Variants in PON2 observed in about 807,000 individuals in gnomAD.
PON2 encodes serum paraoxonase/arylesterase 2.
Under a neutral mutation model 36.6 loss-of-function variants are expected in PON2, and 27 were observed. The ratio of observed to expected loss-of-function variants is 0.74; its 90% CI spans 0.54 to 1.02. The LOEUF (loss-of-function observed/expected upper bound fraction) is 1.02, where lower values mean the gene tolerates loss of function less well. Among genes scored for constraint, PON2 ranks in the 50% least tolerant of loss-of-function variants. The probability of loss-of-function intolerance (pLI) is 0.00; values close to 1 mark genes in which losing one functional copy is unlikely to be tolerated. For missense variants in PON2, 363 were observed against 421.1 expected (o/e 0.86, Z 1.21); for synonymous variants, 149 against 156.3 (o/e 0.95, Z 0.35).
chr7:95,434,784 A>G, intron 1 of PON2, 94 bp downstream of exon 1: 1 of 1,393,672 alleles, frequency 7.2e-7, no homozygotes, highest in Non-Finnish European at 9.7e-7. Context: ...CAGGTCCCGC[A>G]GGAATCCCTC....
At chr7:95,417,357 G>A (rs1415062403) in intron 2 of PON2, among the ~76,000 whole-genome samples, 1 of 152,126 alleles carries the variant, frequency 6.6e-6, no homozygotes, top group Admixed American at 6.5e-5. Context: ...CTGCTCCTCA[G>A]AAAGAAGATA....
intron 1 of PON2, among the ~76,000 whole-genome samples, chr7:95,429,506 T>A (rs1789391214): frequency 6.6e-6 from 1 of 152,156 alleles, no homozygotes; most frequent in South Asian, 2.1e-4. Flanking sequence ...CCAACAGTCA[T>A]TAGCATGAAA....
chr7:95,420,344 A>C (rs1404459678), intron 2 of PON2, among the ~76,000 whole-genome samples: 11 of 152,206 alleles, frequency 7.2e-5, no homozygotes, highest in African/African-American at 2.7e-4. Flanking sequence ...ACATTTAGAA[A>C]ATCAGATTTT....
rs374693996 is a variant in PON2 at position 95,405,281 on chromosome 7, A to T, written c.*49T>A. On this transcript the variant is annotated 3_prime_UTR_variant, in exon 9 of 9. Transcript: ENST00000222572. Reference sequence around the variant, plus strand: ...TAAATTCCCTCAGAATTAGCAATTCATAGAAAATTAATTGTTAAGTTATCG... The same window carrying T: ...TAAATTCCCTCAGAATTAGCAATTCTTAGAAAATTAATTGTTAAGTTATCG... 1.3e-6 allele frequency: 2 copies of T among 1,582,570 alleles called. No individual in the cohort carries two copies. The highest frequency in any genetic ancestry group is 1.7e-6 in the Non-Finnish European group (2 of 1,152,672).
intron 1 of PON2, among the ~76,000 whole-genome samples, chr7:95,429,700 T>G (rs1388348187): frequency 6.6e-6 from 1 of 152,240 alleles, no homozygotes; most frequent in Non-Finnish European, 1.5e-5. Flanking sequence ...CTTTGTGCCA[T>G]ACTTCTCTGC....
At chr7:95,410,540 C>G (rs2116460126) in intron 5 of PON2, among the ~76,000 whole-genome samples, 1 of 152,280 alleles carries the variant, frequency 6.6e-6, no homozygotes, top group South Asian at 2.1e-4. Context: ...TCTAATTTCC[C>G]TGGCTTAGTT....
chr7:95,430,375 A>C (rs897543077), intron 1 of PON2, among the ~76,000 whole-genome samples: 1 of 151,352 alleles, frequency 6.6e-6, no homozygotes, highest in Non-Finnish European at 1.5e-5. Context: ...GCAATGGCTC[A>C]CTGCAACCTC....
chr7:95,409,112 A>C (rs533478993), intron 6 of PON2, among the ~76,000 whole-genome samples: 1 of 152,316 alleles, frequency 6.6e-6, no homozygotes, highest in African/African-American at 2.4e-5. Context: ...TGGAGGTTCA[A>C]GACTAGCCTG....
chr7:95,406,085 A>G, intron 8 of PON2, 34 bp downstream of exon 8: 1 of 1,597,518 alleles, frequency 6.3e-7, no homozygotes, highest in Non-Finnish European at 8.6e-7. Flanking sequence ...AAGGACTTGA[A>G]TAATTAAGTT....
intron 2 of PON2, among the ~76,000 whole-genome samples, chr7:95,417,210 A>G (rs1789082305): frequency 1.3e-5 from 2 of 152,200 alleles, no homozygotes; most frequent in Admixed American, 1.3e-4. Flanking sequence ...GCATCTATCT[A>G]TCCAGCCATT....
intron 1 of PON2, among the ~76,000 whole-genome samples, chr7:95,426,176 T>C (rs747822424): frequency 2.0e-5 from 3 of 152,126 alleles, no homozygotes; most frequent in Non-Finnish European, 2.9e-5. Context: ...GCATCAGTTG[T>C]TCCCCAAACC....
chr7:95,406,538 CTCAA>C (rs1447899940), intron 7 of PON2, among the ~76,000 whole-genome samples: 2 of 152,158 alleles, frequency 1.3e-5, no homozygotes, highest in Non-Finnish European at 1.5e-5. Context: ...GCTCAAGGAA[CTCAA>C]TCAAAGCAAG....
intron 2 of PON2, among the ~76,000 whole-genome samples, chr7:95,419,828 G>C (rs1447375491): frequency 6.6e-6 from 1 of 152,086 alleles, no homozygotes; most frequent in African/African-American, 2.4e-5. Flanking sequence ...TGACCATATG[G>C]AACACAGTCA....
intron 1 of PON2, among the ~76,000 whole-genome samples, chr7:95,429,217 T>C (rs1031946733): frequency 2.1e-5 from 3 of 141,456 alleles, no homozygotes; most frequent in African/African-American, 7.9e-5. Flanking sequence ...CGGTGTGTGA[T>C]GTTCCCCTTC....
intron 1 of PON2, among the ~76,000 whole-genome samples, chr7:95,433,810 G>A (rs1377997101): frequency 2.0e-5 from 3 of 152,172 alleles, no homozygotes. Flanking sequence ...CACCCTTCAA[G>A]GTCAGGTCGA....
intron 1 of PON2, chr7:95,434,166 G>A (rs2116515963): frequency 6.6e-6 from 1 of 152,318 alleles, no homozygotes; most frequent in East Asian, 1.9e-4. Context: ...GGAACAGCCT[G>A]GGCAATACAG....
chr7:95,412,212 A>G (rs1788943059), intron 4 of PON2, 100 bp downstream of exon 4: 2 of 1,473,758 alleles, frequency 1.4e-6, no homozygotes, highest in African/African-American at 1.4e-5. Flanking sequence ...TCATGAGTTA[A>G]TTGTTCTTCT....
intron 1 of PON2, among the ~76,000 whole-genome samples, chr7:95,428,904 T>C (rs1789375079): frequency 6.6e-6 from 1 of 152,168 alleles, no homozygotes; most frequent in African/African-American, 2.4e-5. Context: ...ATAGTCCCAC[T>C]GTGGAGCAGG....
chr7:95,421,253 C>T (rs1789185370), intron 2 of PON2, among the ~76,000 whole-genome samples: 1 of 152,212 alleles, frequency 6.6e-6, no homozygotes. Flanking sequence ...GAGGAGCGCT[C>T]CATCCCAGTG....
Sources: allele counts gnomAD v4.1 joint callset (sites outside exome capture counted in the v4.1 genomes callset), GRCh38; gene constraint gnomAD v4.1.1; transcripts MANE v1.5; gene names NCBI Gene and HGNC (gene_info 2026-07-23, HGNC 2026-07-21).